The following RBFOX1 variants were observed in gnomAD, a reference collection of about 807,000 sequenced individuals.
The protein encoded by RBFOX1 is RNA binding protein fox-1 homolog 1.
Under a neutral mutation model 57.7 loss-of-function variants are expected in RBFOX1, and 8 were observed. That is an observed-to-expected ratio of 0.14 (90% confidence interval 0.08 to 0.25). The LOEUF is 0.25. RBFOX1 is among the 10% of genes least tolerant of loss of function. The pLI, the probability that RBFOX1 is intolerant of heterozygous loss-of-function variation, is 1.00. For missense variants in RBFOX1, 611 were observed against 548.5 expected, an observed-to-expected ratio of 1.11 and a Z score of -1.14; for synonymous variants, 326 against 222.4, an observed-to-expected ratio of 1.47 and a Z score of -4.15.
intron 3 of RBFOX1, among the ~76,000 whole-genome samples, chr16:5,772,880 C>G (rs1225914341): frequency 1.3e-5 from 2 of 152,048 alleles, no homozygotes; most frequent in East Asian, 1.9e-4. Context: ...CAAGAGTAGA[C>G]CAGTAAGATG....
intron 1 of RBFOX1, among the ~76,000 whole-genome samples, chr16:5,316,173 T>A (rs1030241634): frequency 6.6e-6 from 1 of 152,238 alleles, no homozygotes; most frequent in Admixed American, 6.5e-5. Context: ...TTTACCTAGT[T>A]AACTCGTGTT....
intron 3 of RBFOX1, among the ~76,000 whole-genome samples, chr16:6,742,465 C>T (rs998756928): frequency 4.6e-5 from 7 of 152,148 alleles, no homozygotes; most frequent in Admixed American, 4.6e-4. Flanking sequence ...AGTCAACAAT[C>T]ACATTTCTGG....
At chr16:7,442,198 C>T (rs780286991) in intron 4 of RBFOX1, among the ~76,000 whole-genome samples, 15 of 152,202 alleles carry the variant, frequency 9.9e-5, no homozygotes, top group East Asian at 5.8e-4. Context: ...GCCAGAGCTC[C>T]GGCTTGGTCC....
At chr16:6,395,927 A>C (rs9924988) in intron 2 of RBFOX1, among the ~76,000 whole-genome samples, 16,369 of 151,714 alleles carry the variant, frequency 0.11, 1,926 homozygotes, top group African/African-American at 0.3. Context: ...TTAGCTGGTC[A>C]TGGTGGCGTG....
At chr16:7,469,632 C>G (rs1230905775) in intron 4 of RBFOX1, among the ~76,000 whole-genome samples, 2 of 152,206 alleles carry the variant, frequency 1.3e-5, no homozygotes. Context: ...TCCGTTTCCT[C>G]TCTTCTTAAT....
intron 3 of RBFOX1, among the ~76,000 whole-genome samples, chr16:6,872,119 T>C (rs2061020961): frequency 6.6e-6 from 1 of 152,206 alleles, no homozygotes; most frequent in Non-Finnish European, 1.5e-5. Context: ...TGTTATGTTT[T>C]AATATGATAC....
chr16:6,409,176 G>C (rs1037835280), intron 2 of RBFOX1, among the ~76,000 whole-genome samples: 1 of 152,174 alleles, frequency 6.6e-6, no homozygotes, highest in East Asian at 1.9e-4. Flanking sequence ...CATTGTGGGA[G>C]GCCAAGGCAG....
At chr16:6,926,436 G>T (rs1313473150) in intron 3 of RBFOX1, among the ~76,000 whole-genome samples, 3 of 152,196 alleles carry the variant, frequency 2.0e-5, no homozygotes, top group Non-Finnish European at 4.4e-5. Context: ...AATTTCCCCT[G>T]CCTCCTGATC....
chr16:6,868,252 A>G (rs971816948), intron 3 of RBFOX1, among the ~76,000 whole-genome samples: 1 of 152,170 alleles, frequency 6.6e-6, no homozygotes, highest in Non-Finnish European at 1.5e-5. Flanking sequence ...GGTCTGCAGC[A>G]GTGGACACAG....
chr16:7,167,126 C>T (rs999929374), intron 4 of RBFOX1, among the ~76,000 whole-genome samples: 2 of 151,170 alleles, frequency 1.3e-5, no homozygotes, highest in Non-Finnish European at 2.9e-5. Context: ...GCTGAGACTA[C>T]AGGTGCCTGT....
At chr16:7,204,070 C>T (rs11646181) in intron 4 of RBFOX1, among the ~76,000 whole-genome samples, 102,858 of 152,238 alleles carry the variant, frequency 0.68, 36,177 homozygotes, top group African/African-American at 0.88. Context: ...TCCAGATTTC[C>T]ATATTTAAAC....
intron 1 of RBFOX1, among the ~76,000 whole-genome samples, chr16:6,294,930 C>G (rs2077904466): frequency 6.6e-6 from 1 of 151,956 alleles, no homozygotes; most frequent in Non-Finnish European, 1.5e-5. Context: ...TCGTTTGTTC[C>G]TTCCCTAACC....
At chr16:6,151,424 T>G (rs2096797056) in intron 1 of RBFOX1, among the ~76,000 whole-genome samples, 1 of 152,176 alleles carries the variant, frequency 6.6e-6, no homozygotes, top group Admixed American at 6.5e-5. Context: ...TAGCTGGGAT[T>G]ACAGGCGCGC....
At chr16:6,887,292 G>A (rs1019420699) in intron 3 of RBFOX1, among the ~76,000 whole-genome samples, 4 of 152,134 alleles carry the variant, frequency 2.6e-5, no homozygotes, top group African/African-American at 9.7e-5. Flanking sequence ...TCAAAGTGTG[G>A]TGGGGTTATA....
intron 4 of RBFOX1, among the ~76,000 whole-genome samples, chr16:7,252,249 C>T (rs937563166): frequency 6.6e-6 from 1 of 152,150 alleles, no homozygotes; most frequent in Non-Finnish European, 1.5e-5. Flanking sequence ...TTCATTTATT[C>T]GTTCATTCAA....
chr16:5,632,862 C>T (rs2048560201), intron 3 of RBFOX1, among the ~76,000 whole-genome samples: 1 of 151,982 alleles, frequency 6.6e-6, no homozygotes, highest in South Asian at 2.1e-4. Flanking sequence ...CCGTAACTTT[C>T]TCCACTGTGG....
At chr16:5,537,606 G>A (rs1272416085) in intron 2 of RBFOX1, among the ~76,000 whole-genome samples, 1 of 152,158 alleles carries the variant, frequency 6.6e-6, no homozygotes, top group Non-Finnish European at 1.5e-5. Context: ...ATTGCTGGCT[G>A]TAAACTGAAG....
chr16:7,038,511 C>G (rs1156977164), intron 3 of RBFOX1, among the ~76,000 whole-genome samples: 1 of 152,076 alleles, frequency 6.6e-6, no homozygotes, highest in Non-Finnish European at 1.5e-5. Flanking sequence ...AAATAATAGG[C>G]AATATGTTTC....
chr16:7,178,783 C>G (rs571522159), intron 4 of RBFOX1, among the ~76,000 whole-genome samples: 56 of 152,276 alleles, frequency 3.7e-4, no homozygotes, highest in African/African-American at 1.3e-3. Flanking sequence ...ACCAAATGTG[C>G]TTTGATCACA....
Sources: allele counts gnomAD v4.1 joint callset (sites outside exome capture counted in the v4.1 genomes callset), GRCh38; gene constraint gnomAD v4.1.1; transcripts MANE v1.5; gene names NCBI Gene and HGNC (gene_info 2026-07-23, HGNC 2026-07-21).